The following GRM7 variants were observed in gnomAD, a reference collection of about 807,000 sequenced individuals.
The protein encoded by GRM7 is glutamate metabotropic receptor 7.
A neutral mutation model predicts 84.5 loss-of-function variants in GRM7; 35 were observed. The observed-to-expected ratio is 0.41, with a 90% CI of 0.32 to 0.55. GRM7 has a LOEUF of 0.55. GRM7 is among the 20% of genes least tolerant of loss of function. The pLI, the probability that GRM7 is intolerant of heterozygous loss-of-function variation, is 0.19. For missense variants in GRM7, 1,003 were observed against 1,194.6 expected (o/e 0.84, Z 2.36); for synonymous variants, 487 against 455.1 (o/e 1.07, Z -0.89).
chr3:6,899,103 A>T (rs1456335572), intron 1 of GRM7, among the ~76,000 whole-genome samples: 2 of 152,188 alleles, frequency 1.3e-5, no homozygotes, highest in Non-Finnish European at 2.9e-5. Context: ...TCCAGTAATG[A>T]AGTCGGAAAA....
At chr3:6,949,599 G>A (rs577726076) in intron 1 of GRM7, among the ~76,000 whole-genome samples, 2 of 151,594 alleles carry the variant, frequency 1.3e-5, no homozygotes, top group South Asian at 4.2e-4. Flanking sequence ...CTGAATGTTG[G>A]CCTGACTTGC....
chr3:7,149,088 C>T (rs1008487926), intron 2 of GRM7, among the ~76,000 whole-genome samples: 32 of 151,948 alleles, frequency 2.1e-4, no homozygotes, highest in African/African-American at 4.3e-4. Context: ...GTATCTGGTA[C>T]GTATTTATAA....
rs77188603 is a variant in GRM7 at position 7,280,452 on chromosome 3, A to G, written c.737-18232A>G. Among the ~76,000 whole-genome samples the G allele has an allele frequency of 2.5e-3, 376 of 152,330 alleles. 1 individual carries two copies. Among genetic ancestry groups the G allele is most frequent in the African/African-American group, 8.6e-3 (356 of 41,582 alleles). On this transcript the variant is annotated intron_variant, in intron 2 of 9. Coordinates refer to ENST00000357716, the MANE Select transcript of GRM7 (RefSeq NM_000844.4). ...AGCAAGTTCTGGAACCAGGATTGTG[A>G]TTCAAATCCCAGCTCCTCTACTTAT...
chr3:7,299,864 T>C (rs1467141713), intron 3 of GRM7, among the ~76,000 whole-genome samples: 2 of 152,166 alleles, frequency 1.3e-5, no homozygotes, highest in Non-Finnish European at 2.9e-5. Context: ...TAAATAATGC[T>C]GTAATTAACT....
intron 1 of GRM7, among the ~76,000 whole-genome samples, chr3:7,121,970 C>G (rs528817252): frequency 3.9e-5 from 6 of 152,312 alleles, no homozygotes; most frequent in African/African-American, 1.4e-4. Context: ...CCCTCATGCT[C>G]TCTCTGTCTC....
At chr3:7,661,730 C>G (rs540448213) in intron 8 of GRM7, among the ~76,000 whole-genome samples, 1 of 132,062 alleles carries the variant, frequency 7.6e-6, no homozygotes, top group Admixed American at 9.6e-5. Context: ...GGAGGCAGAG[C>G]TGGCAGTGAG....
intron 4 of GRM7, among the ~76,000 whole-genome samples, chr3:7,363,957 G>T (rs1693772511): frequency 6.6e-6 from 1 of 151,972 alleles, no homozygotes; most frequent in Admixed American, 6.6e-5. Flanking sequence ...TGATGGATTA[G>T]CTATTTCTGA....
At chr3:7,135,015 G>A (rs1374373043) in intron 1 of GRM7, among the ~76,000 whole-genome samples, 1 of 152,132 alleles carries the variant, frequency 6.6e-6, no homozygotes, top group Non-Finnish European at 1.5e-5. Context: ...TTGGTGTTAT[G>A]TAATTAGAGA....
chr3:7,474,643 T>A (rs1398421348), intron 7 of GRM7, among the ~76,000 whole-genome samples: 1 of 152,148 alleles, frequency 6.6e-6, no homozygotes, highest in East Asian at 1.9e-4. Context: ...GAGTTTTTTT[T>A]AAGCTAAATC....
intron 4 of GRM7, among the ~76,000 whole-genome samples, chr3:7,362,110 C>T (rs1693688695): frequency 6.6e-6 from 1 of 152,000 alleles, no homozygotes; most frequent in Non-Finnish European, 1.5e-5. Flanking sequence ...AAGTGGAAAC[C>T]AGAAATGAAG....
chr3:7,556,718 A>T (rs1693779468), intron 7 of GRM7, among the ~76,000 whole-genome samples: 1 of 152,268 alleles, frequency 6.6e-6, no homozygotes, highest in African/African-American at 2.4e-5. Context: ...TGCATCATTG[A>T]CATCATTGAC....
Position 7,003,191 on chromosome 3 carries a change from TTAA to T in GRM7, c.519+141291_519+141293del, listed in dbSNP as rs949265572. Among the ~76,000 whole-genome samples the T allele has an allele frequency of 4.8e-4, 73 of 152,256 alleles. 1 individual carries two copies. Among genetic ancestry groups the T allele is most frequent in the African/African-American group, 1.4e-3 (60 of 41,544 alleles). ...CTATTGCACTGCATGTTGACCACAG[TTAA>T]TAATAACATATAGTAGATTTCAAAA... is the stretch of plus-strand genomic sequence containing the variant. On this transcript the variant is annotated intron_variant, in intron 1 of 9. Transcript: ENST00000357716.
rs376158323 is a variant in GRM7 at position 7,148,569 on chromosome 3, TA to T, written c.736+1907del. On this transcript the variant is annotated intron_variant, in intron 2 of 9. Coordinates refer to ENST00000357716, the MANE Select transcript of GRM7 (RefSeq NM_000844.4). ...GATAAATGTTTGCTCTGGGTCTTTA[TA>T]AAAAACTATATTCTATAGACAGGTC... Among the ~76,000 whole-genome samples, 487 of 152,302 alleles carry T rather than the reference TA, an allele frequency of 3.2e-3. 3 individuals are homozygous for T. The highest frequency in any genetic ancestry group is 0.011 in the African/African-American group (457 of 41,572).
intron 3 of GRM7, among the ~76,000 whole-genome samples, chr3:7,301,666 G>A (rs371249640): frequency 4.4e-5 from 5 of 112,958 alleles, no homozygotes; most frequent in African/African-American, 5.2e-5. Flanking sequence ...TTTTGCATTG[G>A]ACTTGTTTGT....
At chr3:7,324,196 A>G (rs1700894317) in intron 4 of GRM7, among the ~76,000 whole-genome samples, 1 of 152,194 alleles carries the variant, frequency 6.6e-6, no homozygotes, top group African/African-American at 2.4e-5. Context: ...GGTCAGCATC[A>G]TGATTTTCAT....
At chr3:6,869,170 T>A (rs1695031636) in intron 1 of GRM7, among the ~76,000 whole-genome samples, 1 of 152,112 alleles carries the variant, frequency 6.6e-6, no homozygotes, top group Non-Finnish European at 1.5e-5. Flanking sequence ...AATTTCCATG[T>A]AGGGGTTAAG....
At chr3:7,202,405 A>G (rs1696096769) in intron 2 of GRM7, among the ~76,000 whole-genome samples, 1 of 152,098 alleles carries the variant, frequency 6.6e-6, no homozygotes, top group African/African-American at 2.4e-5. Flanking sequence ...ATCTCGGCTT[A>G]CTGCAACCTC....
At chr3:6,927,469 GAAAGAAAGAAAGAAAGAAAGAA>G (rs1559333319) in intron 1 of GRM7, among the ~76,000 whole-genome samples, 14 of 70,578 alleles carry the variant, frequency 2.0e-4, no homozygotes, top group Admixed American at 2.9e-4. Context: ...GAGAGAGAAA[GAAAGAAAGAAAGAAAGAAAGAA>G]AGAAAGAAAG....
chr3:7,469,726 C>T (rs980234373), intron 7 of GRM7, among the ~76,000 whole-genome samples: 1 of 152,102 alleles, frequency 6.6e-6, no homozygotes, highest in African/African-American at 2.4e-5. Context: ...TTTAACCTGA[C>T]ACCACAGTAA....
Sources: allele counts gnomAD v4.1 joint callset (sites outside exome capture counted in the v4.1 genomes callset), GRCh38; gene constraint gnomAD v4.1.1; transcripts MANE v1.5; gene names NCBI Gene and HGNC (gene_info 2026-07-23, HGNC 2026-07-21).